The following LMX1A variants were observed in gnomAD, a reference collection of about 807,000 sequenced individuals.
LMX1A encodes the protein LIM homeobox transcription factor 1 alpha, also known as LIM homeobox transcription factor 1-alpha.
In LMX1A, 15 loss-of-function variants were observed where a neutral mutation model predicts 49.1. That is an observed-to-expected ratio of 0.31 (90% CI 0.20 to 0.47). LMX1A has a LOEUF of 0.47. Ranked by LOEUF, LMX1A falls within the 20% of genes least tolerant of loss-of-function variation. LMX1A has a pLI of 1.00. For missense variants in LMX1A, 372 were observed against 475.8 expected (o/e 0.78, Z 2.03); for synonymous variants, 167 against 185.7 (o/e 0.90, Z 0.82).
intron 3 of LMX1A, among the ~76,000 whole-genome samples, chr1:165,261,132 CA>C (rs1410610216): frequency 3.9e-5 from 6 of 152,218 alleles, no homozygotes; most frequent in Non-Finnish European, 8.8e-5. Context: ...CTCTTTATCA[CA>C]GAACTATGTT....
intron 3 of LMX1A, among the ~76,000 whole-genome samples, chr1:165,345,240 T>C (rs1332243848): frequency 6.6e-6 from 1 of 152,092 alleles, no homozygotes; most frequent in Non-Finnish European, 1.5e-5. Flanking sequence ...GGCAACAGAA[T>C]TGTGAGTCAA....
chr1:165,225,155 C>T (rs1651988496), intron 4 of LMX1A, among the ~76,000 whole-genome samples: 1 of 152,194 alleles, frequency 6.6e-6, no homozygotes, highest in Non-Finnish European at 1.5e-5. Context: ...TCTCCAAGGA[C>T]AGCTTGGGGG....
chr1:165,222,331 C>G (rs1389804691), intron 4 of LMX1A, among the ~76,000 whole-genome samples: 1 of 152,176 alleles, frequency 6.6e-6, no homozygotes, highest in African/African-American at 2.4e-5. Flanking sequence ...CTATGGTTCA[C>G]TAGGCTTGGA....
At chr1:165,275,283 G>A (rs559837461) in intron 3 of LMX1A, among the ~76,000 whole-genome samples, 23 of 152,252 alleles carry the variant, frequency 1.5e-4, no homozygotes, top group African/African-American at 5.3e-4. Flanking sequence ...TGGGTCCCTC[G>A]AGTCACTTGT....
chr1:165,274,744 C>T (rs190630136), intron 3 of LMX1A, among the ~76,000 whole-genome samples: 4 of 152,136 alleles, frequency 2.6e-5, no homozygotes, highest in Non-Finnish European at 4.4e-5. Flanking sequence ...ACGGATGTAA[C>T]GTGCCATGAA....
intron 3 of LMX1A, among the ~76,000 whole-genome samples, chr1:165,314,446 A>G (rs557361596): frequency 6.6e-6 from 1 of 152,292 alleles, no homozygotes; most frequent in Admixed American, 6.5e-5. Context: ...AAGATCTGAC[A>G]GGAGACAGGG....
chr1:165,266,583 TC>T, intron 3 of LMX1A, among the ~76,000 whole-genome samples: 1 of 146,118 alleles, frequency 6.8e-6, no homozygotes, highest in Non-Finnish European at 1.5e-5. Flanking sequence ...ATTTTCTTTC[TC>T]TTCTTTCTTT....
chr1:165,347,926 T>C (rs1450597242), intron 3 of LMX1A, among the ~76,000 whole-genome samples: 2 of 141,644 alleles, frequency 1.4e-5, no homozygotes, highest in Non-Finnish European at 3.2e-5. Context: ...GTTGGAATTG[T>C]TGTCATTAGA....
At chr1:165,321,722 C>A (rs907474037) in intron 3 of LMX1A, among the ~76,000 whole-genome samples, 2 of 152,046 alleles carry the variant, frequency 1.3e-5, no homozygotes, top group Non-Finnish European at 2.9e-5. Context: ...GATATAACAA[C>A]AAAAGCACAA....
chr1:165,281,913 T>G (rs2101706714), intron 3 of LMX1A, among the ~76,000 whole-genome samples: 1 of 152,188 alleles, frequency 6.6e-6, no homozygotes, highest in South Asian at 2.1e-4. Flanking sequence ...TGGCAATGAG[T>G]TTTCACTGAT....
At chr1:165,235,418 A>ACACACACACACT (rs1553203943) in intron 4 of LMX1A, among the ~76,000 whole-genome samples, 1 of 134,692 alleles carries the variant, frequency 7.4e-6, no homozygotes, top group Non-Finnish European at 1.7e-5. Flanking sequence ...ACACACACAC[A>ACACACACACACT]CACACTCACA....
intron 3 of LMX1A, among the ~76,000 whole-genome samples, chr1:165,290,586 G>A (rs1453076654): frequency 6.6e-6 from 1 of 152,048 alleles, no homozygotes; most frequent in Non-Finnish European, 1.5e-5. Flanking sequence ...AGATCTTTTG[G>A]ACCTGATGTC....
rs541269983 is a variant in LMX1A, at chr1:165,295,083, T to TGTTCA, written c.264-45448_264-45444dup. ...TAAATACCTAAAAAGAAATCACTGA[T>TGTTCA]GTTCAGTACCTGTATTATATGGTAT... is the stretch of plus-strand genomic sequence containing the variant. On this transcript the variant is annotated intron_variant, in intron 3 of 8. Coordinates refer to ENST00000342310, the MANE Select transcript of LMX1A (RefSeq NM_177398.4). 3.0e-3 allele frequency among the ~76,000 whole-genome samples: 452 copies of TGTTCA among 152,336 alleles called. 6 individuals are homozygous for TGTTCA. The highest frequency in any genetic ancestry group is 0.01 in the African/African-American group (422 of 41,574).
chr1:165,344,055 G>C (rs1656162322), intron 3 of LMX1A, among the ~76,000 whole-genome samples: 1 of 152,244 alleles, frequency 6.6e-6, no homozygotes. Flanking sequence ...TTCAGAGCAT[G>C]AGACAAGCAA....
rs1287084007 is a variant in LMX1A at position 165,203,670 on chromosome 1, CTCT to C, written c.*207_*209del. 1 of 451,242 alleles carries C rather than the reference CTCT, an allele frequency of 2.2e-6. No homozygotes were observed. Among genetic ancestry groups the C allele is most frequent in the Non-Finnish European group, 4.0e-6 (1 of 250,540 alleles). 28.0% of individuals were successfully genotyped at this position (451,242 alleles called of 1,614,324 possible). ...CACGTCTTCATATCTAATGCTAAGACTCTTATTAGAAACATTAAACTATGCAAT... is the reference window on the plus strand; with the variant it reads ...CACGTCTTCATATCTAATGCTAAGACTATTAGAAACATTAAACTATGCAAT... On this transcript the variant is annotated 3_prime_UTR_variant, in exon 9 of 9. Transcript: ENST00000342310.
intron 3 of LMX1A, among the ~76,000 whole-genome samples, chr1:165,330,096 G>A (rs1365883552): frequency 1.8e-4 from 28 of 152,186 alleles, no homozygotes; most frequent in Admixed American, 1.8e-3. Flanking sequence ...CAGCAATATC[G>A]TAAGGCAGGT....
At chr1:165,243,723 A>G (rs186867084) in intron 4 of LMX1A, among the ~76,000 whole-genome samples, 4 of 152,352 alleles carry the variant, frequency 2.6e-5, no homozygotes, top group Non-Finnish European at 5.9e-5. Flanking sequence ...TTGAGTTTAC[A>G]TACGGAGACC....
chr1:165,309,822 T>C (rs1305410820), intron 3 of LMX1A, among the ~76,000 whole-genome samples: 1 of 152,168 alleles, frequency 6.6e-6, no homozygotes, highest in Non-Finnish European at 1.5e-5. Context: ...AGTCACCACA[T>C]TGTAAGGTGC....
intron 3 of LMX1A, among the ~76,000 whole-genome samples, chr1:165,351,398 T>C (rs941332936): frequency 3.3e-5 from 5 of 152,248 alleles, no homozygotes; most frequent in African/African-American, 1.2e-4. Flanking sequence ...CTTGAAGTTA[T>C]GTGGGCTAAA....
Sources: allele counts gnomAD v4.1 joint callset (sites outside exome capture counted in the v4.1 genomes callset), GRCh38; gene constraint gnomAD v4.1.1; transcripts MANE v1.5; gene names NCBI Gene and HGNC (gene_info 2026-07-23, HGNC 2026-07-21).